The following STAU2 variants were observed in gnomAD, a reference collection of about 807,000 sequenced individuals.
STAU2 encodes staufen double-stranded RNA binding protein 2, also known as double-stranded RNA-binding protein Staufen homolog 2.
In STAU2, 20 loss-of-function variants were observed where a neutral mutation model predicts 65.9. That is an observed-to-expected ratio of 0.30 (90% CI 0.21 to 0.44). The LOEUF (loss-of-function observed/expected upper bound fraction) is 0.44, where lower values mean the gene tolerates loss of function less well. Ranked by LOEUF, STAU2 falls within the 20% of genes least tolerant of loss-of-function variation. The probability of loss-of-function intolerance (pLI) is 1.00; values close to 1 mark genes in which losing one functional copy is unlikely to be tolerated. For synonymous variants in STAU2, 232 were observed against 233.9 expected (o/e 0.99, Z 0.07); for missense variants, 558 against 683.9 (o/e 0.82, Z 2.05).
chr8:73,508,874 A>G (rs1324057707), intron 13 of STAU2, among the ~76,000 whole-genome samples: 1 of 152,246 alleles, frequency 6.6e-6, no homozygotes, highest in African/African-American at 2.4e-5. Flanking sequence ...TTATATGGAT[A>G]AATGACATTT....
At chr8:73,531,603 T>C (rs1004479137) in intron 13 of STAU2, among the ~76,000 whole-genome samples, 1 of 152,182 alleles carries the variant, frequency 6.6e-6, no homozygotes, top group Non-Finnish European at 1.5e-5. Flanking sequence ...ATTTTCTTCC[T>C]GGAAATAAAA....
chr8:73,427,269 G>T (rs1045977577), intron 13 of STAU2, among the ~76,000 whole-genome samples: 1 of 152,148 alleles, frequency 6.6e-6, no homozygotes, highest in Non-Finnish European at 1.5e-5. Context: ...CCTTGGAGAG[G>T]TTGTGCCGGC....
chr8:73,572,112 C>G (rs1457650752), intron 12 of STAU2, among the ~76,000 whole-genome samples: 4 of 152,196 alleles, frequency 2.6e-5, no homozygotes, highest in Admixed American at 2.6e-4. Flanking sequence ...TCAGAGAATA[C>G]TATAAACACC....
chr8:73,714,091 C>T (rs576658741), intron 3 of STAU2, among the ~76,000 whole-genome samples: 4 of 152,002 alleles, frequency 2.6e-5, no homozygotes, highest in Admixed American at 6.6e-5. Context: ...TTAGTAGAGA[C>T]GGGGTTTCTC....
At chr8:73,725,226 T>G (rs1226528696) in intron 3 of STAU2, among the ~76,000 whole-genome samples, 2 of 152,222 alleles carry the variant, frequency 1.3e-5, no homozygotes, top group Non-Finnish European at 2.9e-5. Flanking sequence ...ATTTGTTCCT[T>G]TCTTCAACTT....
rs554648323 is a variant in STAU2, at chr8:73,741,733, G to A, written c.-196-1865C>T. ...TCACCATGTTGGCCAGGCTGGTCTCGAACTCCTGGCCTCGGGTGATCCATC... is the reference window on the plus strand; with the variant it reads ...TCACCATGTTGGCCAGGCTGGTCTCAAACTCCTGGCCTCGGGTGATCCATC... On this transcript the variant is annotated intron_variant, in intron 1 of 14. Transcript: ENST00000524300. Among the ~76,000 whole-genome samples, 71 of 152,178 alleles carry A rather than the reference G, an allele frequency of 4.7e-4. 1 individual carries two copies. Among genetic ancestry groups the A allele is most frequent in the Admixed American group, 4.6e-4 (7 of 15,290 alleles).
At chr8:73,453,952 G>A (rs1297859527) in intron 13 of STAU2, among the ~76,000 whole-genome samples, 2 of 152,218 alleles carry the variant, frequency 1.3e-5, no homozygotes, top group Non-Finnish European at 2.9e-5. Context: ...TGAGCTTCAA[G>A]CTGCCACTTG....
At chr8:73,553,058 A>G (rs1807451682) in intron 12 of STAU2, among the ~76,000 whole-genome samples, 1 of 152,210 alleles carries the variant, frequency 6.6e-6, no homozygotes, top group Non-Finnish European at 1.5e-5. Context: ...CAGGCCATGG[A>G]CAGGTTCTGA....
chr8:73,486,846 T>C (rs1357873455), intron 13 of STAU2, among the ~76,000 whole-genome samples: 4 of 151,374 alleles, frequency 2.6e-5, no homozygotes, highest in Non-Finnish European at 5.9e-5. Context: ...AGAGACAGAG[T>C]CTTGCTATAT....
At chr8:73,720,087 T>C (rs1821534048) in intron 3 of STAU2, among the ~76,000 whole-genome samples, 1 of 152,128 alleles carries the variant, frequency 6.6e-6, no homozygotes, top group Middle Eastern at 3.4e-3. Flanking sequence ...GACCAGTCAG[T>C]ACAACATGGT....
chr8:73,701,384 A>C (rs1319143355), intron 4 of STAU2, among the ~76,000 whole-genome samples: 3 of 152,190 alleles, frequency 2.0e-5, no homozygotes, highest in African/African-American at 7.2e-5. Flanking sequence ...CCATCTGACA[A>C]GGTATTAATA....
upstream of STAU2, chr8:73,746,882 C>T: frequency 8.6e-7 from 1 of 1,167,110 alleles, no homozygotes; most frequent in South Asian, 4.2e-5. Context: ...CTCGGGCTCC[C>T]CGCCCCCCGC....
chr8:73,588,110 C>T (rs1810505687), intron 11 of STAU2, among the ~76,000 whole-genome samples: 1 of 152,108 alleles, frequency 6.6e-6, no homozygotes, highest in Admixed American at 6.5e-5. Context: ...TCCTTAGAAT[C>T]TGGAAACATA....
intron 13 of STAU2, among the ~76,000 whole-genome samples, chr8:73,431,264 C>T (rs538206182): frequency 5.9e-5 from 9 of 152,134 alleles, no homozygotes; most frequent in Non-Finnish European, 1.2e-4. Context: ...CCTAGCAAAT[C>T]AAAACAAACA....
chr8:73,691,413 T>C (rs927898562), intron 4 of STAU2, among the ~76,000 whole-genome samples: 1 of 152,176 alleles, frequency 6.6e-6, no homozygotes, highest in Non-Finnish European at 1.5e-5. Context: ...AGACTCAGTA[T>C]ACTTCATTTA....
chr8:73,737,898 T>TAAAAAAAA, intron 3 of STAU2, among the ~76,000 whole-genome samples: 1 of 134,776 alleles, frequency 7.4e-6, no homozygotes. Flanking sequence ...AAGTGAACTT[T>TAAAAAAAA]AAAAAAAAAA....
intron 13 of STAU2, among the ~76,000 whole-genome samples, chr8:73,524,548 T>A (rs1014222473): frequency 2.6e-5 from 4 of 152,168 alleles, no homozygotes; most frequent in Non-Finnish European, 5.9e-5. Flanking sequence ...TCCACTTCAC[T>A]AAGTTCCTAG....
At chr8:73,452,524 T>C (rs1194530105) in intron 13 of STAU2, among the ~76,000 whole-genome samples, 1 of 152,204 alleles carries the variant, frequency 6.6e-6, no homozygotes, top group Non-Finnish European at 1.5e-5. Flanking sequence ...ATCTTTAAAA[T>C]GGCTCCTTGT....
At chr8:73,484,092 C>T (rs1313311028) in intron 13 of STAU2, among the ~76,000 whole-genome samples, 3 of 152,170 alleles carry the variant, frequency 2.0e-5, no homozygotes, top group African/African-American at 7.2e-5. Context: ...AGCTACATTT[C>T]ATACAAACAC....
Sources: allele counts gnomAD v4.1 joint callset (sites outside exome capture counted in the v4.1 genomes callset), GRCh38; gene constraint gnomAD v4.1.1; transcripts MANE v1.5; gene names NCBI Gene and HGNC (gene_info 2026-07-23, HGNC 2026-07-21).